The following PPM1L variants were observed in gnomAD, a reference collection of about 807,000 sequenced individuals.
PPM1L encodes protein phosphatase 1L.
A neutral mutation model predicts 31.4 loss-of-function variants in PPM1L; 13 were observed. The observed-to-expected ratio is 0.41, with a 90% CI of 0.27 to 0.66. The LOEUF (loss-of-function observed/expected upper bound fraction) is 0.66, where lower values mean the gene tolerates loss of function less well. Among genes scored for constraint, PPM1L ranks in the 30% least tolerant of loss-of-function variants. PPM1L has a pLI of 0.29. For synonymous variants in PPM1L, 184 were observed against 175.4 expected (o/e 1.05, Z -0.39); for missense variants, 326 against 453.7 (o/e 0.72, Z 2.56).
chr3:160,916,832 GAGTC>G (rs1419493013), intron 1 of PPM1L, among the ~76,000 whole-genome samples: 11 of 152,088 alleles, frequency 7.2e-5, no homozygotes, highest in African/African-American at 1.4e-4. Flanking sequence ...CTTATTGGTG[GAGTC>G]AGGCCCTCCA....
chr3:160,988,970 C>T (rs915725139), intron 2 of PPM1L, among the ~76,000 whole-genome samples: 1 of 152,046 alleles, frequency 6.6e-6, no homozygotes. Context: ...CTTTTCATGC[C>T]TTCAAAGAGA....
intron 1 of PPM1L, among the ~76,000 whole-genome samples, chr3:160,912,973 T>A (rs1189907447): frequency 6.6e-6 from 1 of 152,128 alleles, no homozygotes; most frequent in African/African-American, 2.4e-5. Context: ...ATAACCTCTT[T>A]GAGTTGTTCA....
chr3:160,888,205 G>T (rs1712990074), intron 1 of PPM1L, among the ~76,000 whole-genome samples: 1 of 152,114 alleles, frequency 6.6e-6, no homozygotes, highest in African/African-American at 2.4e-5. Flanking sequence ...ATGTAAATGG[G>T]CTAAATGCCA....
At chr3:160,806,767 A>C (rs116371070) in intron 1 of PPM1L, among the ~76,000 whole-genome samples, 1 of 150,340 alleles carries the variant, frequency 6.7e-6, no homozygotes. Flanking sequence ...GAAAGAAAGA[A>C]AGAGAGAGAG....
chr3:160,874,515 C>T (rs569684121), intron 1 of PPM1L, among the ~76,000 whole-genome samples: 1 of 152,294 alleles, frequency 6.6e-6, no homozygotes, highest in East Asian at 1.9e-4. Context: ...GACTGATACA[C>T]TGCGTGAAAA....
At chr3:160,925,762 A>T (rs1186798320) in intron 1 of PPM1L, among the ~76,000 whole-genome samples, 1 of 152,202 alleles carries the variant, frequency 6.6e-6, no homozygotes, top group East Asian at 1.9e-4. Flanking sequence ...TGGAGGAGGA[A>T]AATGAAGTCT....
chr3:160,861,201 T>A (rs1711875957), intron 1 of PPM1L, among the ~76,000 whole-genome samples: 2 of 152,178 alleles, frequency 1.3e-5, no homozygotes, highest in Non-Finnish European at 2.9e-5. Flanking sequence ...AGCACCTCTG[T>A]GGCATTAACC....
At chr3:161,044,062 C>T (rs561649091) in intron 2 of PPM1L, among the ~76,000 whole-genome samples, 172 of 152,186 alleles carry the variant, frequency 1.1e-3, no homozygotes, top group South Asian at 1.7e-3. Context: ...TTTTTTGAGA[C>T]GGAGTCTTGC....
At chr3:160,977,367 C>T (rs1716626589) in intron 2 of PPM1L, among the ~76,000 whole-genome samples, 1 of 152,216 alleles carries the variant, frequency 6.6e-6, no homozygotes, top group Admixed American at 6.5e-5. Flanking sequence ...TCAACACAAA[C>T]ATTTACTATG....
chr3:160,802,900 A>G (rs780157050), intron 1 of PPM1L, among the ~76,000 whole-genome samples: 2 of 152,194 alleles, frequency 1.3e-5, no homozygotes, highest in African/African-American at 2.4e-5. Context: ...CTCACTACTC[A>G]TGTCACTGGT....
chr3:160,852,987 G>A (rs1449591243), intron 1 of PPM1L, among the ~76,000 whole-genome samples: 1 of 152,088 alleles, frequency 6.6e-6, no homozygotes, highest in African/African-American at 2.4e-5. Context: ...AAAAATCAAG[G>A]TGTCGACAGG....
intron 2 of PPM1L, among the ~76,000 whole-genome samples, chr3:161,058,118 CTTTTTTTT>C (rs1186931971): frequency 1.5e-4 from 8 of 54,926 alleles, no homozygotes; most frequent in South Asian, 7.5e-4. Context: ...ATTTTCTTTC[CTTTTTTTT>C]TTTTTTTTTT....
chr3:160,902,160 G>T (rs1050194128), intron 1 of PPM1L, among the ~76,000 whole-genome samples: 2 of 152,044 alleles, frequency 1.3e-5, no homozygotes, highest in African/African-American at 2.4e-5. Context: ...TTCTGTTTGT[G>T]TGTGTGTACG....
chr3:160,812,094 A>C (rs564192076), intron 1 of PPM1L, among the ~76,000 whole-genome samples: 1 of 152,240 alleles, frequency 6.6e-6, no homozygotes, highest in South Asian at 2.1e-4. Context: ...TCACGATGTT[A>C]GCGCCTTCCA....
At chr3:160,958,924 G>C (rs1419399104) in intron 1 of PPM1L, among the ~76,000 whole-genome samples, 2 of 152,028 alleles carry the variant, frequency 1.3e-5, no homozygotes, top group Admixed American at 1.3e-4. Context: ...AATCATGAAG[G>C]TTATAAAGAA....
chr3:160,803,408 A>G (rs1712495252), intron 1 of PPM1L, among the ~76,000 whole-genome samples: 2 of 150,906 alleles, frequency 1.3e-5, no homozygotes, highest in Non-Finnish European at 2.9e-5. Context: ...TTCTGAATCA[A>G]GAAAAAATTA....
At chr3:160,860,170 G>T (rs1166601744) in intron 1 of PPM1L, among the ~76,000 whole-genome samples, 1 of 152,102 alleles carries the variant, frequency 6.6e-6, no homozygotes, top group African/African-American at 2.4e-5. Flanking sequence ...TTAAAATCTG[G>T]ACTGAGGAGT....
chr3:160,902,323 G>C (rs1238823579), intron 1 of PPM1L, among the ~76,000 whole-genome samples: 2 of 152,072 alleles, frequency 1.3e-5, no homozygotes, highest in African/African-American at 2.4e-5. Context: ...GGGCACATTG[G>C]TATCCCTAAA....
At chr3:160,929,171 C>A (rs1334927323) in intron 1 of PPM1L, among the ~76,000 whole-genome samples, 1 of 151,978 alleles carries the variant, frequency 6.6e-6, no homozygotes, top group East Asian at 1.9e-4. Flanking sequence ...TTTTTATTTT[C>A]CTATTTTCCA....
Sources: allele counts gnomAD v4.1 joint callset (sites outside exome capture counted in the v4.1 genomes callset), GRCh38; gene constraint gnomAD v4.1.1; transcripts MANE v1.5; gene names NCBI Gene and HGNC (gene_info 2026-07-23, HGNC 2026-07-21).